Variants in IMMP2L observed in about 807,000 individuals in gnomAD.
IMMP2L encodes mitochondrial inner membrane protease subunit 2.
Under a neutral mutation model 19.3 loss-of-function variants are expected in IMMP2L, and 18 were observed. The observed-to-expected ratio is 0.93, with a 90% CI of 0.64 to 1.38. IMMP2L has a LOEUF of 1.38. Ranked by LOEUF, IMMP2L falls within the 40% of genes most tolerant of loss-of-function variation. IMMP2L has a pLI of 0.00. For synonymous variants in IMMP2L, 76 were observed against 73.0 expected (o/e 1.04, Z -0.21); for missense variants, 233 against 218.2 (o/e 1.07, Z -0.43).
At chr7:111,537,143 T>C (rs1046768763) in intron 1 of IMMP2L, among the ~76,000 whole-genome samples, 3 of 152,158 alleles carry the variant, frequency 2.0e-5, no homozygotes, top group Non-Finnish European at 4.4e-5. Flanking sequence ...AGTATCTATA[T>C]AGATATTGAA....
Position 111,307,919 on chromosome 7 carries a change from T to G in IMMP2L, c.239+179319A>C, listed in dbSNP as rs1823053929. ...AATTCAACCAAAATCAGGCCTGATA[T>G]TAAGGGGATTTGAATACATATACAG... On this transcript the variant is annotated intron_variant, in intron 3 of 5. Transcript: ENST00000405709. 2.0e-5 allele frequency among the ~76,000 whole-genome samples: 3 copies of G among 151,862 alleles called. No homozygotes were observed. In the South Asian group the frequency reaches 6.2e-4, roughly 31 times the overall value.
At chr7:110,831,885 A>C (rs1804000805) in intron 5 of IMMP2L, among the ~76,000 whole-genome samples, 1 of 152,194 alleles carries the variant, frequency 6.6e-6, no homozygotes, top group South Asian at 2.1e-4. Context: ...GACTTGTTAG[A>C]GGCTTCGGTG....
intron 3 of IMMP2L, among the ~76,000 whole-genome samples, chr7:111,439,734 T>A (rs575640801): frequency 6.6e-6 from 1 of 151,912 alleles, no homozygotes; most frequent in South Asian, 2.1e-4. Flanking sequence ...AACAAGACAA[T>A]GAAGCTTGCT....
At chr7:111,385,922 A>ATT (rs796665940) in intron 3 of IMMP2L, among the ~76,000 whole-genome samples, 14 of 148,762 alleles carry the variant, frequency 9.4e-5, no homozygotes, top group African/African-American at 3.2e-4. Context: ...CTCCACATGA[A>ATT]TTTTTTTTTT....
intron 2 of IMMP2L, among the ~76,000 whole-genome samples, chr7:111,504,274 A>C (rs1453911250): frequency 6.6e-6 from 1 of 152,074 alleles, no homozygotes; most frequent in Non-Finnish European, 1.5e-5. Context: ...GGGATGTGAA[A>C]GACCTCTTCA....
chr7:110,926,926 G>A (rs1464170935), intron 4 of IMMP2L, among the ~76,000 whole-genome samples: 1 of 152,124 alleles, frequency 6.6e-6, no homozygotes, highest in African/African-American at 2.4e-5. Context: ...TGACTGTGCA[G>A]TTTTAAAACA....
chr7:110,928,701 T>G (rs1355340351), intron 4 of IMMP2L, among the ~76,000 whole-genome samples: 1 of 152,100 alleles, frequency 6.6e-6, no homozygotes, highest in Non-Finnish European at 1.5e-5. Flanking sequence ...TTTCTGTTAT[T>G]ACACTAGATT....
chr7:111,037,726 CTTG>C (rs1465568502), intron 3 of IMMP2L, among the ~76,000 whole-genome samples: 7 of 152,162 alleles, frequency 4.6e-5, no homozygotes, highest in Admixed American at 4.6e-4. Context: ...AGATATTGGC[CTTG>C]TTAACACTGA....
intron 3 of IMMP2L, among the ~76,000 whole-genome samples, chr7:111,389,919 C>T (rs1427809278): frequency 5.9e-5 from 9 of 152,040 alleles, no homozygotes; most frequent in African/African-American, 1.7e-4. Context: ...GTGTCTTGAA[C>T]GTGTCTAAAA....
rs566373809 is a variant in IMMP2L, at chr7:110,848,246, A to G, written c.408+38347T>C. 2.0e-5 allele frequency among the ~76,000 whole-genome samples: 3 copies of G among 152,334 alleles called. No homozygotes were observed. The South Asian group carries it at 6.2e-4, about 32-fold the overall frequency. On this transcript the variant is annotated intron_variant, in intron 5 of 5. Transcript: ENST00000405709. The stretch of plus-strand genomic sequence containing the variant: ...ATAAATCACCTTTAAGAATGAGCAA[A>G]AAGTCTGAACAGACAACTCACCAAA...
At chr7:111,040,365 T>G (rs868690237) in intron 3 of IMMP2L, among the ~76,000 whole-genome samples, 1 of 152,170 alleles carries the variant, frequency 6.6e-6, no homozygotes, top group Non-Finnish European at 1.5e-5. Flanking sequence ...CCTAGACTGA[T>G]AGCAGTAGTG....
In IMMP2L at chr7:111,118,135, C is replaced by A. The variant is rs116041898; in HGVS notation, c.240-154570G>T. Among the ~76,000 whole-genome samples, 1,441 of 152,170 alleles carry A rather than the reference C, an allele frequency of 9.5e-3. 23 individuals carry two copies. The highest frequency in any genetic ancestry group is 0.033 in the African/African-American group (1,359 of 41,556). ...CATTGCACACATTTTTATTGTAAAT[C>A]AAATCTACTGTGCATCATTGTCCTC... On this transcript the variant is annotated intron_variant, in intron 3 of 5. Transcript: ENST00000405709.
chr7:111,231,736 G>A (rs1422146871), intron 3 of IMMP2L, among the ~76,000 whole-genome samples: 1 of 151,922 alleles, frequency 6.6e-6, no homozygotes, highest in Non-Finnish European at 1.5e-5. Flanking sequence ...GAGTACTGAA[G>A]TAACATAAAG....
chr7:110,748,411 A>G (rs567383579), intron 5 of IMMP2L, among the ~76,000 whole-genome samples: 25 of 152,332 alleles, frequency 1.6e-4, no homozygotes, highest in African/African-American at 6.0e-4. Flanking sequence ...TAAATTTCAT[A>G]TGGAACCAAA....
intron 2 of IMMP2L, among the ~76,000 whole-genome samples, chr7:111,514,626 G>A (rs1845725177): frequency 6.6e-6 from 1 of 151,914 alleles, no homozygotes; most frequent in African/African-American, 2.4e-5. Flanking sequence ...TAAATTCAAT[G>A]GTATATAAAT....
intron 3 of IMMP2L, among the ~76,000 whole-genome samples, chr7:111,386,595 G>A (rs758027545): frequency 2.6e-5 from 4 of 152,076 alleles, no homozygotes; most frequent in African/African-American, 7.2e-5. Context: ...GAATGGATAA[G>A]AAGCAAGTAA....
intron 5 of IMMP2L, among the ~76,000 whole-genome samples, chr7:110,858,253 G>C (rs1382457516): frequency 6.6e-6 from 1 of 151,988 alleles, no homozygotes; most frequent in African/African-American, 2.4e-5. Flanking sequence ...ATATCCATTT[G>C]GGCTTGGGCT....
At chr7:111,204,629 T>C (rs987042228) in intron 3 of IMMP2L, among the ~76,000 whole-genome samples, 1 of 152,176 alleles carries the variant, frequency 6.6e-6, no homozygotes, top group African/African-American at 2.4e-5. Flanking sequence ...ATAAAACTTC[T>C]TGGCTACCAC....
At chr7:111,048,459 GACC>G (rs1374883290) in intron 3 of IMMP2L, among the ~76,000 whole-genome samples, 1 of 151,848 alleles carries the variant, frequency 6.6e-6, no homozygotes, top group Non-Finnish European at 1.5e-5. Flanking sequence ...AGTCTTTGCT[GACC>G]ACCACCATCA....
Sources: gnomAD v4.1 joint callset for allele counts (sites outside exome capture counted in the v4.1 genomes callset) on GRCh38, gnomAD v4.1.1 for gene constraint, MANE v1.5 for transcripts, NCBI Gene and HGNC (gene_info 2026-07-23, HGNC 2026-07-21) for gene names.